Variants in CDKN2B-AS1 observed in about 807,000 individuals in gnomAD.
The protein encoded by CDKN2B-AS1 is CDKN2B antisense RNA 1 (non-protein coding).
chr9:22,068,684 C>A (rs1824166364), intron 4 of CDKN2B-AS1, among the ~76,000 whole-genome samples: 1 of 152,122 alleles, frequency 6.6e-6, no homozygotes. Context: ...TGAATGAGCT[C>A]CTTTAGTAAA....
At chr9:22,094,601 G>A (rs947348516) in intron 4 of CDKN2B-AS1, among the ~76,000 whole-genome samples, 1 of 144,210 alleles carries the variant, frequency 6.9e-6, no homozygotes, top group Non-Finnish European at 1.5e-5. Flanking sequence ...CCAGTTGATC[G>A]AATCGGCTAC....
Position 22,095,827 on chromosome 9 carries a change from C to A in CDKN2B-AS1, n.439-31276C>A, listed in dbSNP as rs1825254245. 3.3e-5 allele frequency among the ~76,000 whole-genome samples: 5 copies of A among 150,246 alleles called. No homozygotes were observed. The South Asian group carries it at 1.1e-3, about 32-fold the overall frequency. On this transcript the variant is annotated intron_variant and non_coding_transcript_variant, in intron 4 of 4. Coordinates refer to ENST00000650946, the Ensembl canonical transcript of CDKN2B-AS1. Reference sequence around the variant, plus strand: ...TTAGCTCTTCTTGTTGAATTGATCCCTTACCATTATGTAATGGCCTTCTTT... The same window carrying A: ...TTAGCTCTTCTTGTTGAATTGATCCATTACCATTATGTAATGGCCTTCTTT...
At chr9:22,088,435 G>T (rs1253392211) in intron 4 of CDKN2B-AS1, among the ~76,000 whole-genome samples, 3 of 106,968 alleles carry the variant, frequency 2.8e-5, no homozygotes, top group Non-Finnish European at 5.4e-5. Context: ...ATACACAAAT[G>T]TGCAAGCACA....
chr9:22,035,474 A>G (rs996835887), intron 1 of CDKN2B-AS1, among the ~76,000 whole-genome samples: 10 of 152,108 alleles, frequency 6.6e-5, no homozygotes, highest in African/African-American at 2.2e-4. Flanking sequence ...CATGGGTCTC[A>G]CCTATACCCA....
At chr9:22,122,840 G>C (rs924158264) in intron 4 of CDKN2B-AS1, among the ~76,000 whole-genome samples, 1 of 152,124 alleles carries the variant, frequency 6.6e-6, no homozygotes, top group African/African-American at 2.4e-5. Context: ...GATAACTCCA[G>C]CTTTGTTCTT....
Position 22,095,084 on chromosome 9 carries a change from C to T in CDKN2B-AS1, n.439-32019C>T, listed in dbSNP as rs555776510. Among the ~76,000 whole-genome samples the T allele has an allele frequency of 3.5e-3, 505 of 144,952 alleles. 64 individuals are homozygous for T. The highest frequency in any genetic ancestry group is 5.0e-3 in the African/African-American group (175 of 34,972). ...GAGTTTGCTGGAGGTCCACTCCAGA[C>T]GCTGTTTGCCTGGGTATCAGCAGCG... On this transcript the variant is annotated intron_variant and non_coding_transcript_variant, in intron 4 of 4. Coordinates refer to ENST00000650946, the Ensembl canonical transcript of CDKN2B-AS1.
At chr9:22,091,145 G>C (rs1825068693) in intron 4 of CDKN2B-AS1, among the ~76,000 whole-genome samples, 1 of 152,118 alleles carries the variant, frequency 6.6e-6, no homozygotes, top group Non-Finnish European at 1.5e-5. Flanking sequence ...GTAGATATGT[G>C]GCATTATTTC....
chr9:22,094,751 G>T (rs1295163121), intron 4 of CDKN2B-AS1, among the ~76,000 whole-genome samples: 1 of 143,446 alleles, frequency 7.0e-6, no homozygotes, highest in African/African-American at 2.9e-5. Flanking sequence ...CTTTGCCATG[G>T]GTTCGAACTT....
intron 4 of CDKN2B-AS1, among the ~76,000 whole-genome samples, chr9:22,110,856 A>G (rs1185120018): frequency 6.6e-6 from 1 of 152,118 alleles, no homozygotes; most frequent in Non-Finnish European, 1.5e-5. Context: ...TAGCTTTGCC[A>G]TCTATGTATG....
intron 4 of CDKN2B-AS1, among the ~76,000 whole-genome samples, chr9:22,093,624 G>A (rs1825171676): frequency 7.3e-6 from 1 of 137,386 alleles, no homozygotes; most frequent in Non-Finnish European, 1.5e-5. Flanking sequence ...TGTTTTATCA[G>A]AGACTAGGAT....
chr9:22,081,275 C>CTTTTTTTTTTT (rs36049201), intron 4 of CDKN2B-AS1, among the ~76,000 whole-genome samples: 1 of 124,516 alleles, frequency 8.0e-6, no homozygotes, highest in Non-Finnish European at 1.7e-5. Context: ...TGTTCTTTAG[C>CTTTTTTTTTTT]TTTTTTTTTT....
intron 4 of CDKN2B-AS1, among the ~76,000 whole-genome samples, chr9:22,114,315 C>T (rs1260863211): frequency 6.6e-6 from 1 of 152,198 alleles, no homozygotes; most frequent in Admixed American, 6.5e-5. Context: ...CCTGATTCTT[C>T]CTGTCCCTTA....
chr9:22,013,998 G>A (rs924072338), intron 1 of CDKN2B-AS1, among the ~76,000 whole-genome samples: 16 of 152,006 alleles, frequency 1.1e-4, no homozygotes, highest in African/African-American at 2.2e-4. Context: ...GTGGGATTAC[G>A]TACTTTCACC....
chr9:22,126,662 T>C (rs1161506175), intron 4 of CDKN2B-AS1, among the ~76,000 whole-genome samples: 11 of 131,488 alleles, frequency 8.4e-5, no homozygotes, highest in Non-Finnish European at 1.6e-5. Context: ...AAACTCCGCC[T>C]CCGGAGTTCA....
intron 4 of CDKN2B-AS1, among the ~76,000 whole-genome samples, chr9:22,099,734 A>C (rs1825416522): frequency 7.6e-6 from 1 of 130,914 alleles, no homozygotes; most frequent in Non-Finnish European, 1.8e-5. Flanking sequence ...CTGATGTGGT[A>C]TTAATTATTA....
At chr9:22,051,494 G>A (rs1399324383) in intron 3 of CDKN2B-AS1, among the ~76,000 whole-genome samples, 1 of 152,132 alleles carries the variant, frequency 6.6e-6, no homozygotes, top group African/African-American at 2.4e-5. Context: ...GCAGGTTTTT[G>A]TGAAAGGACT....
At chr9:22,092,041 A>G (rs1356717499) in intron 4 of CDKN2B-AS1, among the ~76,000 whole-genome samples, 4 of 152,098 alleles carry the variant, frequency 2.6e-5, no homozygotes, top group Non-Finnish European at 4.4e-5. Flanking sequence ...AAGGTTGTTG[A>G]ATTTTGTCAA....
intron 4 of CDKN2B-AS1, chr9:22,120,176 C>T (rs530324619): frequency 2.0e-5 from 3 of 152,158 alleles, no homozygotes; most frequent in Non-Finnish European, 4.4e-5. Flanking sequence ...TCATTTTATT[C>T]TTTCCTTGTC....
chr9:22,037,392 C>T (rs1246044366), intron 1 of CDKN2B-AS1, among the ~76,000 whole-genome samples: 1 of 151,936 alleles, frequency 6.6e-6, no homozygotes, highest in Non-Finnish European at 1.5e-5. Flanking sequence ...CTGGGTGACT[C>T]TCTCCTGGCA....
Sources: gnomAD v4.1 joint callset for allele counts (sites outside exome capture counted in the v4.1 genomes callset) on GRCh38, gnomAD v4.1.1 for gene constraint, MANE v1.5 for transcripts, NCBI Gene and HGNC (gene_info 2026-07-23, HGNC 2026-07-21) for gene names.